The following JAK1 variants were observed in gnomAD, a reference collection of about 807,000 sequenced individuals.
JAK1 encodes the protein Janus kinase 1.
In JAK1, 16 loss-of-function variants were observed where a neutral mutation model predicts 136.6. The observed-to-expected ratio is 0.12, with a 90% CI of 0.08 to 0.18. The LOEUF is 0.18. Among genes scored for constraint, JAK1 ranks in the 10% least tolerant of loss-of-function variants. JAK1 has a pLI of 1.00. For synonymous variants in JAK1, 492 were observed against 519.5 expected (o/e 0.95, Z 0.72); for missense variants, 859 against 1,450.1 (o/e 0.59, Z 6.62).
Position 64,866,877 on chromosome 1 carries a change from G to A in JAK1, c.979C>T (p.His327Tyr). Residue 327 changes from histidine (H) to tyrosine (Y), a missense_variant, in exon 7 of 25, where the codon CAT (histidine) becomes TAT (tyrosine). Transcript: ENST00000342505. ...VTGNLGIQWR[H>Y]KPNVVSVEKE... is the part of the protein sequence containing the mutation. ...CAACAGCCACTTACATTTGGTTTATGCCTCCACTGGATTCCAAGATTCCCA... is the reference window on the plus strand; with the variant it reads ...CAACAGCCACTTACATTTGGTTTATACCTCCACTGGATTCCAAGATTCCCA... 6.2e-7 allele frequency: 1 copy of A among 1,609,858 alleles called. No individual in the cohort carries two copies. Among genetic ancestry groups the A allele is most frequent in the Non-Finnish European group, 8.5e-7 (1 of 1,176,640 alleles).
At chr1:65,061,922 C>T (rs1188198970) in intron 1 of JAK1, among the ~76,000 whole-genome samples, 1 of 152,108 alleles carries the variant, frequency 6.6e-6, no homozygotes, top group Non-Finnish European at 1.5e-5. Flanking sequence ...AAAGTTAGCC[C>T]CAATTCTCAA....
chr1:64,992,105 G>A (rs1646662082), intron 2 of JAK1: 2 of 152,146 alleles, frequency 1.3e-5, no homozygotes, highest in Admixed American at 1.3e-4. Flanking sequence ...TTGTGGCCAG[G>A]CGCATTGGTT....
At chr1:64,842,232 CAA>C (rs1162941151) in intron 17 of JAK1, among the ~76,000 whole-genome samples, 1 of 151,950 alleles carries the variant, frequency 6.6e-6, no homozygotes, top group African/African-American at 2.4e-5. Flanking sequence ...GACAAAATGC[CAA>C]AGTGTTAACA....
upstream of JAK1, among the ~76,000 whole-genome samples, chr1:64,967,678 G>A (rs1569779614): frequency 6.6e-6 from 1 of 152,294 alleles, no homozygotes; most frequent in Middle Eastern, 3.4e-3. Flanking sequence ...TCAAGCATCC[G>A]AATTAGACTA....
chr1:64,870,195 G>C (rs1248800098), intron 5 of JAK1, among the ~76,000 whole-genome samples: 1 of 152,060 alleles, frequency 6.6e-6, no homozygotes, highest in Non-Finnish European at 1.5e-5. Context: ...ACAGTGCTTG[G>C]CTCCTTTATT....
chr1:64,929,615 A>G (rs1454073031), intron 1 of JAK1, among the ~76,000 whole-genome samples: 1 of 152,206 alleles, frequency 6.6e-6, no homozygotes, highest in Non-Finnish European at 1.5e-5. Context: ...AAGTTATGAT[A>G]CCTACAAGTC....
At chr1:64,908,369 G>A (rs1645226277) in intron 1 of JAK1, among the ~76,000 whole-genome samples, 1 of 152,110 alleles carries the variant, frequency 6.6e-6, no homozygotes, top group African/African-American at 2.4e-5. Context: ...TCTCTACTGA[G>A]CCACCATTTC....
intron 2 of JAK1, among the ~76,000 whole-genome samples, chr1:65,008,659 C>T (rs992538882): frequency 6.6e-6 from 1 of 151,708 alleles, no homozygotes; most frequent in Non-Finnish European, 1.5e-5. Context: ...TTCCTCTTCC[C>T]CTTTCCCTTC....
intron 2 of JAK1, among the ~76,000 whole-genome samples, chr1:65,000,341 T>C (rs1392695467): frequency 6.6e-6 from 1 of 151,988 alleles, no homozygotes; most frequent in Non-Finnish European, 1.5e-5. Context: ...TGAGAATGTG[T>C]TCAGGTATAG....
intron 3 of JAK1, among the ~76,000 whole-genome samples, chr1:64,882,745 T>C (rs1269441845): frequency 6.6e-6 from 1 of 152,188 alleles, no homozygotes; most frequent in Non-Finnish European, 1.5e-5. Flanking sequence ...TTTCACAACT[T>C]GGGAACTTGA....
chr1:64,888,944 G>A (rs1644892887), intron 1 of JAK1, among the ~76,000 whole-genome samples: 1 of 152,170 alleles, frequency 6.6e-6, no homozygotes, highest in Non-Finnish European at 1.5e-5. Context: ...TAGAAGACAT[G>A]GGAGGCACTG....
chr1:65,056,946 GTC>G (rs1278054649), intron 1 of JAK1, among the ~76,000 whole-genome samples: 1 of 107,086 alleles, frequency 9.3e-6, no homozygotes, highest in Non-Finnish European at 2.1e-5. Context: ...AAAAAAAAAA[GTC>G]ACAAATGGTT....
In JAK1 at chr1:64,867,228, T is replaced by A. The variant is rs767681551; in HGVS notation, c.648-20A>T. ...TTGTAGCTAAAAGACAGTAGAAAAG[T>A]ACATCTCCTTTTCATGTACAGGTTA... On this transcript the variant is annotated intron_variant, in intron 6 of 24. Transcript: ENST00000342505. 1 of 1,522,406 alleles carries A rather than the reference T, an allele frequency of 6.6e-7. No individual in the cohort carries two copies. The highest frequency in any genetic ancestry group is 1.2e-5 in the South Asian group (1 of 84,820). The allele number at this position is 1,522,406 out of a possible 1,614,324, so 94.3% of individuals were successfully genotyped here. A position where few individuals can be genotyped will look rare whatever the true frequency, so the allele number is the denominator to read the frequency against.
intron 2 of JAK1, among the ~76,000 whole-genome samples, chr1:64,977,110 T>A (rs1004879531): frequency 8.6e-5 from 13 of 151,662 alleles, no homozygotes; most frequent in African/African-American, 1.2e-4. Flanking sequence ...AACATGTACT[T>A]TCTATATTGT....
At chr1:65,053,490 G>T (rs1469785095) in intron 1 of JAK1, among the ~76,000 whole-genome samples, 1 of 152,240 alleles carries the variant, frequency 6.6e-6, no homozygotes, top group Admixed American at 6.5e-5. Flanking sequence ...AAAAATCTCT[G>T]AAGTGTAAAA....
intron 1 of JAK1, chr1:64,941,874 T>G (rs1645895898): frequency 6.6e-6 from 1 of 152,102 alleles, no homozygotes; most frequent in South Asian, 2.1e-4. Context: ...CAGGGAAGAT[T>G]AGGCAGGTGT....
intron 2 of JAK1, among the ~76,000 whole-genome samples, chr1:65,016,854 C>T (rs867001829): frequency 8.6e-5 from 13 of 151,992 alleles, no homozygotes; most frequent in South Asian, 4.1e-4. Flanking sequence ...GCCGAGATCG[C>T]GCCACTGCCC....
At chr1:65,044,819 C>G (rs1219614326) in intron 1 of JAK1, among the ~76,000 whole-genome samples, 1 of 152,234 alleles carries the variant, frequency 6.6e-6, no homozygotes, top group Non-Finnish European at 1.5e-5. Context: ...GTCCTGCTGT[C>G]ACCCTTGGAG....
chr1:65,062,111 G>A (rs752303438), intron 1 of JAK1, among the ~76,000 whole-genome samples: 11 of 152,054 alleles, frequency 7.2e-5, no homozygotes, highest in Non-Finnish European at 1.5e-4. Flanking sequence ...TTGACCAAGA[G>A]TTTAGTCCAA....
Sources: allele counts gnomAD v4.1 joint callset (sites outside exome capture counted in the v4.1 genomes callset), GRCh38; gene constraint gnomAD v4.1.1; transcripts MANE v1.5; gene names NCBI Gene and HGNC (gene_info 2026-07-23, HGNC 2026-07-21).